JAK2: variants seen among roughly 807,000 people sequenced by gnomAD.
The protein encoded by JAK2 is Janus kinase 2, also known as tyrosine-protein kinase JAK2.
Under a neutral mutation model 139.3 loss-of-function variants are expected in JAK2, and 86 were observed. The observed-to-expected ratio is 0.62, with a 90% CI of 0.52 to 0.74. JAK2 has a LOEUF of 0.74. Ranked by LOEUF, JAK2 falls within the 30% of genes least tolerant of loss-of-function variation. The pLI is 0.00. For synonymous variants in JAK2, 490 were observed against 437.7 expected (o/e 1.12, Z -1.49); for missense variants, 1,421 against 1,360.3 (o/e 1.04, Z -0.70).
At chr9:5,019,566 AT>A in intron 2 of JAK2, among the ~76,000 whole-genome samples, 1 of 152,218 alleles carries the variant, frequency 6.6e-6, no homozygotes, top group South Asian at 2.1e-4. Flanking sequence ...TTGGTAGAAA[AT>A]TATTTTGATC....
intron 22 of JAK2, chr9:5,097,249 C>G (rs1019212223): frequency 1.6e-4 from 24 of 152,210 alleles, no homozygotes; most frequent in African/African-American, 5.1e-4. Flanking sequence ...CTACTCCTTT[C>G]TCTCTCAGTC....
At chr9:5,009,079 C>T (rs1346283674) in intron 2 of JAK2, among the ~76,000 whole-genome samples, 1 of 152,140 alleles carries the variant, frequency 6.6e-6, no homozygotes, top group Non-Finnish European at 1.5e-5. Flanking sequence ...CAGCCACTTG[C>T]AAACTTTAAC....
chr9:5,093,341 A>C lies in JAK2; in HGVS notation c.3059+2430A>C, dbSNP rs557089807. 2.6e-5 allele frequency among the ~76,000 whole-genome samples: 4 copies of C among 152,318 alleles called. No homozygotes were observed. The South Asian group carries it at 8.3e-4, about 32-fold the overall frequency. On this transcript the variant is annotated intron_variant, in intron 22 of 24. Transcript: ENST00000381652. ...TTAGAGGCACTGCCTGCCCAGTGAC[A>C]TATGTTCAACGACCACCATATCCTG...
chr9:5,029,987 T>C, intron 4 of JAK2, 81 bp downstream of exon 4: 1 of 1,258,556 alleles, frequency 7.9e-7, no homozygotes, highest in Non-Finnish European at 1.1e-6. Flanking sequence ...AATTGCAAGG[T>C]ACTTAATACC....
chr9:5,038,318 G>A (rs992274803), intron 4 of JAK2, among the ~76,000 whole-genome samples: 11 of 152,062 alleles, frequency 7.2e-5, no homozygotes, highest in Admixed American at 2.0e-4. Flanking sequence ...TAAAAGCCCA[G>A]GCCCAAGTGG....
chr9:5,086,115 G>T, intron 19 of JAK2: 1 of 458,332 alleles, frequency 2.2e-6, no homozygotes, highest in South Asian at 2.5e-5. Flanking sequence ...CGCGGGCATC[G>T]GCAGCGGCGC....
chr9:5,041,437 G>A, intron 4 of JAK2: 1 of 623,990 alleles, frequency 1.6e-6, no homozygotes, highest in Admixed American at 2.2e-5. Context: ...TGTACTTCCT[G>A]TGCAGCAGCC....
At chr9:5,041,552 G>C (rs1816514610) in intron 4 of JAK2, 4 of 530,462 alleles carry the variant, frequency 7.5e-6, no homozygotes, top group Non-Finnish European at 1.5e-5. Flanking sequence ...ACTTCCCAGA[G>C]GAGATGGCTA....
chr9:5,111,794 GC>G, intron 22 of JAK2: 6 of 422,652 alleles, frequency 1.4e-5, no homozygotes, highest in South Asian at 3.5e-5. Flanking sequence ...CTTCTCCTTG[GC>G]CCCCGGAGCC....
At position 5,080,248 on chromosome 9, in the gene JAK2, A is replaced by T. The variant is rs1279340284; in HGVS notation, c.2151A>T (p.Pro717=). ...TAAAAGTTCTTCAGGAGAGAATACC[A>T]TGGGTACCACCTGAATGCATTGAAA... The part of the protein sequence containing the change: ...LPKDILQERI[P]WVPPECIENP... Residue 717 remains proline (P), a synonymous_variant, in exon 17 of 25, where the codon CCA becomes CCT. Coordinates refer to ENST00000381652, the MANE Select transcript of JAK2 (RefSeq NM_004972.4). The T allele has an allele frequency of 2.5e-6, 4 of 1,612,740 alleles. No homozygotes were observed.
intron 5 of JAK2, among the ~76,000 whole-genome samples, chr9:5,046,046 C>T (rs1433488609): frequency 1.3e-5 from 2 of 152,102 alleles, no homozygotes; most frequent in Non-Finnish European, 2.9e-5. Flanking sequence ...CTCAACAATG[C>T]TTTGCTTTGT....
In JAK2 at chr9:5,005,265, G is replaced by C. The variant is rs79771571; in HGVS notation, c.-25-16698G>C. Among the ~76,000 whole-genome samples, 835 of 151,580 alleles carry C rather than the reference G, an allele frequency of 5.5e-3. 12 individuals are homozygous for C. Among genetic ancestry groups the C allele is most frequent in the African/African-American group, 0.019 (785 of 41,348 alleles). On this transcript the variant is annotated intron_variant, in intron 2 of 24. Transcript: ENST00000381652. ...GCACCCAGTCTGTATTGTCCTTTGA[G>C]GAATATCTGTTCCGGTCCTTTGCCC...
At chr9:5,117,748 A>G (rs1326576550) in intron 22 of JAK2, among the ~76,000 whole-genome samples, 3 of 152,022 alleles carry the variant, frequency 2.0e-5, no homozygotes, top group Non-Finnish European at 2.9e-5. Flanking sequence ...CACAGAAACA[A>G]AAGTTTTTTG....
At chr9:5,122,910 GTTTTT>G (rs796174169) in intron 22 of JAK2, 89 bp from the exon 23 acceptor site, 13 of 640,638 alleles carry the variant, frequency 2.0e-5, no homozygotes, top group Admixed American at 9.6e-5. Flanking sequence ...TTCTCTACAT[GTTTTT>G]TTTTTTAATT....
In JAK2 at chr9:5,073,710, G is replaced by A. The variant is rs2130555765; in HGVS notation, c.1789G>A (p.Ala597Thr). Residue 597 changes from alanine to threonine, a missense_variant, in exon 14 of 25, where the codon GCA becomes ACA. Physicochemically the swap from Ala to Thr is moderately conservative, Grantham distance 58. Coordinates refer to ENST00000381652, the MANE Select transcript of JAK2 (RefSeq NM_004972.4). ...HRNYSESFFE[A>T]ASMMSKLSHK... is the part of the protein sequence containing the mutation. ...TTTTTTTCCTTAGTCTTTCTTTGAA[G>A]CAGCAAGTATGATGAGCAAGCTTTC... The A allele has an allele frequency of 6.2e-7, 1 of 1,610,474 alleles. No individual in the cohort carries two copies. The highest frequency in any genetic ancestry group is 1.1e-5 in the South Asian group (1 of 90,980).
At chr9:5,018,471 G>A (rs1822210770) in intron 2 of JAK2, among the ~76,000 whole-genome samples, 1 of 152,042 alleles carries the variant, frequency 6.6e-6, no homozygotes, top group Non-Finnish European at 1.5e-5. Flanking sequence ...CAGGTAGCTG[G>A]GACTACAGAA....
chr9:5,124,385 A>G (rs1823841097), intron 23 of JAK2, among the ~76,000 whole-genome samples: 1 of 151,760 alleles, frequency 6.6e-6, no homozygotes, highest in African/African-American at 2.4e-5. Context: ...TAATTTTTCT[A>G]TATGGTGATA....
In JAK2 at chr9:5,127,616, T is replaced by A. The variant is rs577045389; in HGVS notation, c.*825T>A. ...AAGACTACTATGAACAGTTTTCTTT[T>A]AAAATTTTGAGATTAAGAATGCCAG... On this transcript the variant is annotated 3_prime_UTR_variant, in exon 25 of 25. Transcript: ENST00000381652. The A allele has an allele frequency of 2.6e-5, 6 of 232,066 alleles. No homozygotes were observed. Among genetic ancestry groups the A allele is most frequent in the African/African-American group, 1.1e-4 (5 of 45,396 alleles). 14.4% of individuals were successfully genotyped at this position (232,066 alleles called of 1,614,324 possible).
Position 5,054,984 on chromosome 9 carries a change from C to A in JAK2, c.936+100C>A, listed in dbSNP as rs1817663651. 1 of 821,606 alleles carries A rather than the reference C, an allele frequency of 1.2e-6. No homozygotes were observed. The highest frequency in any genetic ancestry group is 1.9e-6 in the Non-Finnish European group (1 of 537,072). The allele number at this position is 821,606 out of a possible 1,614,324, so 50.9% of individuals were successfully genotyped here. A position where few individuals can be genotyped will look rare whatever the true frequency, so the allele number is the denominator to read the frequency against. ...ATTTGCAACATGGTATTGCACTTCT[C>A]CCATTTGATAGAAGTGGAAGTTTTT... On this transcript the variant is annotated intron_variant, in intron 7 of 24. Transcript: ENST00000381652. This position sits in a 1 kb window ranked among gnomAD's most constrained non-coding sequence, Gnocchi z 4.9.
Sources: gnomAD v4.1 joint callset for allele counts (sites outside exome capture counted in the v4.1 genomes callset) on GRCh38, gnomAD v4.1.1 for gene constraint, Gnocchi (gnomAD v3.1) non-coding constraint, MANE v1.5 for transcripts, NCBI Gene and HGNC (gene_info 2026-07-23, HGNC 2026-07-21) for gene names.